The following KIR2DL1 variants were observed in gnomAD, a reference collection of about 807,000 sequenced individuals.
KIR2DL1 encodes the protein killer cell immunoglobulin-like receptor 2DL1.
In KIR2DL1, 38 loss-of-function variants were observed where a neutral mutation model predicts 33.9. The ratio of observed to expected loss-of-function variants is 1.12; its 90% confidence interval spans 0.86 to 1.47. The LOEUF (loss-of-function observed/expected upper bound fraction) is 1.47, where lower values mean the gene tolerates loss of function less well. KIR2DL1 is among the 40% of genes most tolerant of loss of function. The probability of loss-of-function intolerance (pLI) is 0.00; values close to 1 mark genes in which losing one functional copy is unlikely to be tolerated. For synonymous variants in KIR2DL1, 179 were observed against 165.9 expected (o/e 1.08, Z -0.61); for missense variants, 531 against 433.9 (o/e 1.22, Z -1.99).
chr19:54,781,729 C>T lies in KIR2DL1; in HGVS notation c.716-1193C>T, dbSNP rs1600859293. ...CAAAGAGCAGCAGGTTTCACACGGGCTTCAACACTATTTCCTGGCCGTTTG... is the reference window on the plus strand; with the variant it reads ...CAAAGAGCAGCAGGTTTCACACGGGTTTCAACACTATTTCCTGGCCGTTTG... On this transcript the variant is annotated intron_variant, in intron 5 of 7. Transcript: ENST00000336077. 1.1e-4 allele frequency among the ~76,000 whole-genome samples: 16 copies of T among 152,212 alleles called. No homozygotes were observed. In the South Asian group the frequency reaches 3.1e-3, roughly 30 times the overall value.
At chr19:54,770,158 GGGAGATATGGGCCTGGAGGT>G (rs2075496594) in intron 1 of KIR2DL1, among the ~76,000 whole-genome samples, 3 of 132,006 alleles carry the variant, frequency 2.3e-5, no homozygotes, top group Non-Finnish European at 5.0e-5. Context: ...GAACCTGGAG[GGGAGATATGGGCCTGGAGGT>G]GGAGATATGG....
At chr19:54,772,569 G>C (rs1203108943) in intron 2 of KIR2DL1, among the ~76,000 whole-genome samples, 1 of 146,002 alleles carries the variant, frequency 6.8e-6, no homozygotes, top group Non-Finnish European at 1.5e-5. Flanking sequence ...GCCAGGCATG[G>C]TGGCAGGTGC....
Position 54,783,773 on chromosome 19 carries a change from C to A in KIR2DL1, c.1007C>A (p.Pro336Gln). 1 of 1,613,988 alleles carries A rather than the reference C, an allele frequency of 6.2e-7. No individual in the cohort carries two copies. The highest frequency in any genetic ancestry group is 1.1e-5 in the South Asian group (1 of 91,066). The change falls in exon 8 of 8, where the codon CCA (proline) becomes CAA (glutamine). Residue 336 changes from proline to glutamine, a missense_variant. Physicochemically the swap from Pro to Gln is moderately conservative, Grantham distance 76. Transcript: ENST00000336077. Reference protein sequence around the residue: ...PTDIIVYTELPNAESRSKVVS... With the variant: ...PTDIIVYTELQNAESRSKVVS... ...GATATCATCGTGTACACGGAACTTCCAAATGCTGAGTCCAGATCCAAAGTT... is the reference window on the plus strand; with the variant it reads ...GATATCATCGTGTACACGGAACTTCAAAATGCTGAGTCCAGATCCAAAGTT...
chr19:54,778,309 G>A (rs1198319995), intron 4 of KIR2DL1, among the ~76,000 whole-genome samples: 3 of 149,662 alleles, frequency 2.0e-5, no homozygotes, highest in East Asian at 3.9e-4. Context: ...ATATATCTGT[G>A]TTATTCATTC....
intron 2 of KIR2DL1, among the ~76,000 whole-genome samples, chr19:54,772,675 C>T (rs1375157500): frequency 6.9e-6 from 1 of 144,550 alleles, no homozygotes; most frequent in Non-Finnish European, 1.5e-5. Context: ...CACTTCACTC[C>T]AGCCTGGGCA....
intron 1 of KIR2DL1, among the ~76,000 whole-genome samples, chr19:54,770,551 T>A (rs1241957940): frequency 2.1e-5 from 3 of 141,536 alleles, no homozygotes; most frequent in Non-Finnish European, 3.1e-5. Flanking sequence ...GGTGGAGATC[T>A]GAGCCTGGAT....
Position 54,783,783 on chromosome 19 carries a change from G to T in KIR2DL1, c.1017G>T (p.Glu339Asp), listed in dbSNP as rs763340388. 1.9e-6 allele frequency: 3 copies of T among 1,613,860 alleles called. No individual in the cohort carries two copies. Among genetic ancestry groups the T allele is most frequent in the African/African-American group, 2.7e-5 (2 of 74,888 alleles). ...IIVYTELPNA[E>D]SRSKVVSCP ...TGTACACGGAACTTCCAAATGCTGA[G>T]TCCAGATCCAAAGTTGTCTCCTGCC... The change falls in exon 8 of 8, where the codon GAG becomes GAT. Residue 339 changes from glutamate (E) to aspartate (D), a missense_variant. Physicochemically the swap from Glu to Asp is conservative, Grantham distance 45. Transcript: ENST00000336077.
Position 54,771,112 on chromosome 19 carries a change from G to T in KIR2DL1, c.70+228G>T, listed in dbSNP as rs572596147. On this transcript the variant is annotated intron_variant, in intron 2 of 7. Coordinates refer to ENST00000336077, the MANE Select transcript of KIR2DL1 (RefSeq NM_014218.3). ...GGTGCTCAAAGCTGGGGTGTGTGGT[G>T]GGGAAGTGGTAGGAACAGCAGATCC... Among the ~76,000 whole-genome samples the T allele has an allele frequency of 1.9e-4, 28 of 148,482 alleles. 1 individual carries two copies. The East Asian group carries it at 2.7e-3, about 14-fold the overall frequency.
intron 4 of KIR2DL1, among the ~76,000 whole-genome samples, chr19:54,778,202 T>C (rs2569662): frequency 6.7e-6 from 1 of 148,704 alleles, no homozygotes; most frequent in Non-Finnish European, 1.5e-5. Context: ...GAGGTTGCAG[T>C]GAACCGAGAT....
At chr19:54,781,774 C>T (rs1353718809) in intron 5 of KIR2DL1, among the ~76,000 whole-genome samples, 3 of 152,224 alleles carry the variant, frequency 2.0e-5, no homozygotes, top group Admixed American at 6.5e-5. Flanking sequence ...AATTCTATTT[C>T]GCTTTTTTTA....
rs751094906 is a variant in KIR2DL1 at position 54,775,176 on chromosome 19, A to G, written c.382A>G (p.Lys128Glu). The G allele has an allele frequency of 1.9e-6, 3 of 1,583,992 alleles. No homozygotes were observed. The highest frequency in any genetic ancestry group is 2.6e-6 in the Non-Finnish European group (3 of 1,159,658). The part of the protein sequence containing the change: ...LDIVIIGLYE[K>E]PSLSAQLGPT... ...TCTTCTCCTTCCAGGTCTATATGAGAAACCTTCTCTCTCAGCCCAGCTGGG... is the reference window on the plus strand; with the variant it reads ...TCTTCTCCTTCCAGGTCTATATGAGGAACCTTCTCTCTCAGCCCAGCTGGG... The change falls in exon 4 of 8, where the codon AAA (lysine) becomes GAA (glutamate). Residue 128 changes from lysine (K) to glutamate (E), a missense_variant. Lys to Glu is a moderately conservative substitution (Grantham distance 56, BLOSUM62 1). Transcript: ENST00000336077.
At chr19:54,771,698 G>A (rs942588100) in intron 2 of KIR2DL1, among the ~76,000 whole-genome samples, 1 of 148,118 alleles carries the variant, frequency 6.8e-6, no homozygotes, top group African/African-American at 2.5e-5. Flanking sequence ...TTCTTATCTT[G>A]GGTTTAACAA....
Position 54,782,902 on chromosome 19 carries a change from G to A in KIR2DL1, c.716-20G>A. ...GAACTGCTAAGATTAGCTTCTTATT[G>A]GTGTCTCATCTTCTTCCAGGTAACC... is the stretch of plus-strand genomic sequence containing the variant. On this transcript the variant is annotated intron_variant, in intron 5 of 7. Transcript: ENST00000336077. The A allele has an allele frequency of 6.2e-7, 1 of 1,605,070 alleles. No homozygotes were observed. The highest frequency in any genetic ancestry group is 8.5e-7 in the Non-Finnish European group (1 of 1,172,208).
At chr19:54,774,413 G>A (rs1216436785) in intron 3 of KIR2DL1, among the ~76,000 whole-genome samples, 2 of 148,306 alleles carry the variant, frequency 1.3e-5, no homozygotes, top group Admixed American at 6.8e-5. Flanking sequence ...CTGAGGGAGA[G>A]GCACAAGGAC....
At chr19:54,776,033 A>G (rs1158316049) in intron 4 of KIR2DL1, among the ~76,000 whole-genome samples, 1 of 146,042 alleles carries the variant, frequency 6.8e-6, no homozygotes, top group African/African-American at 2.5e-5. Context: ...CTAGTGCTAC[A>G]GGCACGCACC....
chr19:54,783,864 C>T lies in KIR2DL1; in HGVS notation c.*51C>T. 2.5e-6 allele frequency: 4 copies of T among 1,613,234 alleles called. No homozygotes were observed. The highest frequency in any genetic ancestry group is 3.4e-6 in the Non-Finnish European group (4 of 1,179,342). On this transcript the variant is annotated 3_prime_UTR_variant, in exon 8 of 8. Transcript: ENST00000336077. ...TCTTCTAGGGAGACAACAGCCCTGTCTCAAAACCGGGTTGCCAGCTCCCAT... is the reference window on the plus strand; with the variant it reads ...TCTTCTAGGGAGACAACAGCCCTGTTTCAAAACCGGGTTGCCAGCTCCCAT...
At chr19:54,777,942 G>A (rs1217093604) in intron 4 of KIR2DL1, among the ~76,000 whole-genome samples, 1 of 148,322 alleles carries the variant, frequency 6.7e-6, no homozygotes, top group African/African-American at 2.5e-5. Flanking sequence ...TTTCCTGATT[G>A]TGAGTTCTTG....
rs370652677 is a variant in KIR2DL1 at position 54,775,688 on chromosome 19, C to A, written c.664+230C>A. Among the ~76,000 whole-genome samples the A allele has an allele frequency of 3.4e-5, 5 of 148,488 alleles. 1 individual carries two copies. The highest frequency in any genetic ancestry group is 9.8e-5 in the African/African-American group (4 of 40,724). On this transcript the variant is annotated intron_variant, in intron 4 of 7. Transcript: ENST00000336077. The stretch of plus-strand genomic sequence containing the variant: ...CAGGCACCCAGGCAGATGGAGAAAG[C>A]GGTCAGGAGAGACCCAGAGGAGGGA...
chr19:54,782,817 T>G, intron 5 of KIR2DL1, 105 bp from the exon 6 acceptor site: 1 of 1,273,590 alleles, frequency 7.9e-7, no homozygotes, highest in Non-Finnish European at 1.1e-6. Context: ...GTGCTTGTCC[T>G]AAAGAGGTGT....
Sources: gnomAD v4.1 joint callset for allele counts (sites outside exome capture counted in the v4.1 genomes callset) on GRCh38, gnomAD v4.1.1 for gene constraint, MANE v1.5 for transcripts, NCBI Gene and HGNC (gene_info 2026-07-23, HGNC 2026-07-21) for gene names.